The following RNF145 variants were observed in gnomAD, a reference collection of about 807,000 sequenced individuals.
The protein encoded by RNF145 is ring finger protein 145.
Under a neutral mutation model 57.3 loss-of-function variants are expected in RNF145, and 12 were observed. The observed-to-expected ratio is 0.21, with a 90% CI of 0.13 to 0.34. The LOEUF is 0.34. Ranked by LOEUF, RNF145 falls within the 10% of genes least tolerant of loss-of-function variation. The probability of loss-of-function intolerance (pLI) is 1.00; values close to 1 mark genes in which losing one functional copy is unlikely to be tolerated. For missense variants in RNF145, 429 were observed against 799.0 expected, an observed-to-expected ratio of 0.54 and a Z score of 5.58; for synonymous variants, 262 against 288.3, an observed-to-expected ratio of 0.91 and a Z score of 0.92.
At chr5:159,210,022 C>A (rs76745566), upstream of RNF145, 15,002 of 803,376 alleles carry the variant, frequency 0.019, 216 homozygotes, top group Non-Finnish European at 0.023. Context: ...GGCACTCAAA[C>A]CCCTGTGGAG....
chr5:159,172,003 A>G (rs765179223), intron 6 of RNF145, among the ~76,000 whole-genome samples: 1 of 152,224 alleles, frequency 6.6e-6, no homozygotes, highest in East Asian at 1.9e-4. Context: ...TACTTTGTAA[A>G]TAAGTCCAAA....
intron 2 of RNF145, among the ~76,000 whole-genome samples, chr5:159,201,003 G>A (rs1785642321): frequency 1.3e-5 from 2 of 152,132 alleles, no homozygotes; most frequent in Non-Finnish European, 2.9e-5. Context: ...TCTCAACCAC[G>A]GTTTTTGGAG....
chr5:159,180,901 C>T (rs1464071051), intron 4 of RNF145, among the ~76,000 whole-genome samples: 1 of 151,830 alleles, frequency 6.6e-6, no homozygotes, highest in African/African-American at 2.4e-5. Context: ...GCTGAAAAGG[C>T]ACAAGAATGA....
chr5:159,190,116 C>T (rs1785237526), intron 3 of RNF145, among the ~76,000 whole-genome samples: 1 of 152,192 alleles, frequency 6.6e-6, no homozygotes, highest in African/African-American at 2.4e-5. Context: ...AATCCCAGCT[C>T]ACTGTAGCCT....
At chr5:159,206,207 GT>G (rs1785875618) in intron 1 of RNF145, among the ~76,000 whole-genome samples, 1 of 152,144 alleles carries the variant, frequency 6.6e-6, no homozygotes, top group South Asian at 2.1e-4. Context: ...AGACTGAAAT[GT>G]TTTTAACAAG....
chr5:159,179,077 G>A (rs1289427761), intron 4 of RNF145, among the ~76,000 whole-genome samples: 2 of 152,148 alleles, frequency 1.3e-5, no homozygotes, highest in East Asian at 3.9e-4. Context: ...AAATTTAAAT[G>A]TCCTTGTTGA....
chr5:159,179,305 G>C (rs2113147980), intron 4 of RNF145, among the ~76,000 whole-genome samples: 1 of 152,168 alleles, frequency 6.6e-6, no homozygotes, highest in East Asian at 1.9e-4. Context: ...AGAATAAGTT[G>C]TTTGTCTTCT....
chr5:159,177,854 T>G (rs549694245), intron 4 of RNF145, among the ~76,000 whole-genome samples: 2 of 152,160 alleles, frequency 1.3e-5, no homozygotes, highest in African/African-American at 4.8e-5. Flanking sequence ...GGCATTTTGT[T>G]GGTTACTAAC....
chr5:159,174,164 TA>T lies in RNF145; in HGVS notation c.622-7del. 6.3e-7 allele frequency: 1 copy of T among 1,585,582 alleles called. No individual in the cohort carries two copies. Among genetic ancestry groups the T allele is most frequent in the East Asian group, 2.2e-5 (1 of 44,524 alleles). On this transcript the variant is annotated splice_region_variant and splice_polypyrimidine_tract_variant and intron_variant, in intron 5 of 10. Coordinates refer to ENST00000424310, the MANE Select transcript of RNF145 (RefSeq NM_001199383.2). ...AGGCCATATACCTCCACTACCTAAA[TA>T]AAAACGTAAGATAGGAAAACTTCTT...
At chr5:159,196,421 A>G (rs1785463736) in intron 2 of RNF145, among the ~76,000 whole-genome samples, 1 of 152,134 alleles carries the variant, frequency 6.6e-6, no homozygotes, top group Non-Finnish European at 1.5e-5. Context: ...TCCTGCTCTA[A>G]AAGTTATGAA....
At chr5:159,191,654 T>C (rs1584698884) in intron 3 of RNF145, among the ~76,000 whole-genome samples, 1 of 152,188 alleles carries the variant, frequency 6.6e-6, no homozygotes, top group East Asian at 1.9e-4. Flanking sequence ...TAGCTGGGCA[T>C]GGTGGCGCAT....
intron 8 of RNF145, among the ~76,000 whole-genome samples, chr5:159,165,682 CAAAA>C: frequency 3.5e-4 from 1 of 2,878 alleles, no homozygotes. Flanking sequence ...GACTCCGTCT[CAAAA>C]AAAAAAAAAA....
At position 159,193,506 on chromosome 5, in the gene RNF145, T is replaced by A. The variant is rs1785355509; in HGVS notation, c.293+1210A>T. Among the ~76,000 whole-genome samples, 3 of 152,026 alleles carry A rather than the reference T, an allele frequency of 2.0e-5. 1 individual carries two copies. Among genetic ancestry groups the A allele is most frequent in the South Asian group, 4.1e-4 (2 of 4,822 alleles). ...GGTGGTCCTGTTTCAACAAGAGGGG[T>A]GAAAAACCCAGTGATTTTAGTTATT... On this transcript the variant is annotated intron_variant, in intron 3 of 10. Transcript: ENST00000424310.
rs551331124 is a variant in RNF145 at position 159,157,686 on chromosome 5, A to G, written c.*984T>C. 13 of 152,438 alleles carry G rather than the reference A, an allele frequency of 8.5e-5. No homozygotes were observed. Among genetic ancestry groups the G allele is most frequent in the African/African-American group, 3.2e-4 (13 of 41,154 alleles). 9.4% of individuals were successfully genotyped at this position (152,438 alleles called of 1,614,324 possible). ...ACATCCTTGTCAAAGAAAAGGTGCA[A>G]AGTCTATTAACAGCTTTAAAAGTGG... On this transcript the variant is annotated 3_prime_UTR_variant, in exon 11 of 11. Coordinates refer to ENST00000424310, the MANE Select transcript of RNF145 (RefSeq NM_001199383.2).
At chr5:159,171,393 G>T (rs1230374899) in intron 6 of RNF145, among the ~76,000 whole-genome samples, 1 of 151,722 alleles carries the variant, frequency 6.6e-6, no homozygotes, top group Non-Finnish European at 1.5e-5. Context: ...TCCATATTTA[G>T]AAACATTTTT....
At chr5:159,170,971 C>T (rs934778852) in intron 6 of RNF145, among the ~76,000 whole-genome samples, 1 of 152,162 alleles carries the variant, frequency 6.6e-6, no homozygotes, top group Non-Finnish European at 1.5e-5. Flanking sequence ...TTCAGGCAAT[C>T]AATGCTTGTC....
rs1184911284 is a variant in RNF145 at position 159,161,418 on chromosome 5, T to C, written c.1474A>G (p.Ile492Val). 9.9e-6 allele frequency: 16 copies of C among 1,614,192 alleles called. No individual in the cohort carries two copies. Among genetic ancestry groups the C allele is most frequent in the Non-Finnish European group, 1.4e-5 (16 of 1,180,028 alleles). Residue 492 changes from isoleucine (I) to valine (V), a missense_variant, in exon 10 of 11, where the codon ATT (isoleucine) becomes GTT (valine). By Grantham distance (29) the Ile-to-Val change is conservative. Around this residue, in one of 4 missense-constraint regions of RNF145, gnomAD observed 216 missense variants for 457.6 expected, o/e 0.47. Coordinates refer to ENST00000424310, the MANE Select transcript of RNF145 (RefSeq NM_001199383.2). ...AGCCACACGTTATAGTAGGAATGAA[T>C]GAAGATGATCATTGAGCCCATCACT... is the stretch of plus-strand genomic sequence containing the variant. ...WTVMGSMIIF[I>V]HSYYNVWLRA...
chr5:159,208,646 G>A (rs1162643093), intron 1 of RNF145, among the ~76,000 whole-genome samples: 1 of 152,186 alleles, frequency 6.6e-6, no homozygotes, highest in Non-Finnish European at 1.5e-5. Flanking sequence ...TGAAAGCGGG[G>A]AGCTTGAGTT....
intron 2 of RNF145, among the ~76,000 whole-genome samples, chr5:159,195,567 A>G (rs1167290663): frequency 6.6e-6 from 1 of 152,114 alleles, no homozygotes; most frequent in Non-Finnish European, 1.5e-5. Flanking sequence ...TTTGATCCCC[A>G]ATATCCAGGC....
Sources: gnomAD v4.1 joint callset for allele counts (sites outside exome capture counted in the v4.1 genomes callset) on GRCh38, gnomAD v4.1.1 for gene constraint, gnomAD v4.1.1 regional missense constraint, MANE v1.5 for transcripts, NCBI Gene and HGNC (gene_info 2026-07-23, HGNC 2026-07-21) for gene names.